Variants in AUTS2 observed in about 807,000 individuals in gnomAD.
The protein encoded by AUTS2 is autism susceptibility gene 2 protein.
AUTS2 carries 17 observed loss-of-function variants against 112.4 expected under a neutral mutation model. The observed-to-expected ratio is 0.15, with a 90% CI of 0.10 to 0.23. The LOEUF (loss-of-function observed/expected upper bound fraction) is 0.23, where lower values mean the gene tolerates loss of function less well. Ranked by LOEUF, AUTS2 falls within the 10% of genes least tolerant of loss-of-function variation. The pLI is 1.00. For synonymous variants in AUTS2, 751 were observed against 702.7 expected (o/e 1.07, Z -1.09); for missense variants, 1,510 against 1,701.6 (o/e 0.89, Z 1.98).
At chr7:70,537,830 G>A (rs1370595221) in intron 5 of AUTS2, among the ~76,000 whole-genome samples, 3 of 152,168 alleles carry the variant, frequency 2.0e-5, no homozygotes, top group African/African-American at 7.2e-5. Context: ...TAAGAAGGAC[G>A]TAAAAATTTC....
chr7:69,891,504 C>T (rs187374205), intron 1 of AUTS2, among the ~76,000 whole-genome samples: 18 of 152,192 alleles, frequency 1.2e-4, no homozygotes, highest in South Asian at 6.2e-4. Flanking sequence ...AGGAGTAGAA[C>T]GGTTGGATCA....
intron 4 of AUTS2, among the ~76,000 whole-genome samples, chr7:70,234,700 A>G (rs1166443592): frequency 6.6e-6 from 1 of 152,132 alleles, no homozygotes; most frequent in East Asian, 1.9e-4. Context: ...GGCTATTTGT[A>G]TTGGGCTATT....
At chr7:69,659,974 A>C (rs1434649499) in intron 1 of AUTS2, among the ~76,000 whole-genome samples, 1 of 152,118 alleles carries the variant, frequency 6.6e-6, no homozygotes, top group Non-Finnish European at 1.5e-5. Flanking sequence ...TTGCTACTTA[A>C]TAACAGACTT....
chr7:70,373,995 ATACTT>A (rs1273147572), intron 4 of AUTS2, among the ~76,000 whole-genome samples: 22 of 152,252 alleles, frequency 1.4e-4, no homozygotes, highest in Admixed American at 1.2e-3. Flanking sequence ...TGAATTAACT[ATACTT>A]TATATAACCT....
At chr7:70,730,942 G>A (rs996601825) in intron 6 of AUTS2, among the ~76,000 whole-genome samples, 3 of 152,132 alleles carry the variant, frequency 2.0e-5, no homozygotes, top group South Asian at 4.2e-4. Flanking sequence ...GTTTATAGTC[G>A]GTGTGAAGTA....
chr7:70,495,198 G>A (rs1191525005), intron 5 of AUTS2, among the ~76,000 whole-genome samples: 1 of 132,960 alleles, frequency 7.5e-6, no homozygotes, highest in Non-Finnish European at 1.6e-5. Flanking sequence ...TCTGTTCAGT[G>A]TTAAGCAAGC....
chr7:70,028,331 T>C (rs749928899), intron 2 of AUTS2, among the ~76,000 whole-genome samples: 6 of 152,320 alleles, frequency 3.9e-5, no homozygotes, highest in Non-Finnish European at 8.8e-5. Flanking sequence ...ATAATGCAGA[T>C]TTCTGAGTAG....
intron 5 of AUTS2, among the ~76,000 whole-genome samples, chr7:70,576,956 G>T (rs1209123072): frequency 1.3e-5 from 2 of 152,074 alleles, no homozygotes; most frequent in Non-Finnish European, 2.9e-5. Context: ...AGGATCTGGA[G>T]TAAGACAAAC....
chr7:70,004,001 T>A (rs372909172), intron 2 of AUTS2, among the ~76,000 whole-genome samples: 30 of 69,418 alleles, frequency 4.3e-4, no homozygotes, highest in African/African-American at 8.8e-4. Flanking sequence ...AATATATATA[T>A]TATATATGAA....
At chr7:69,658,426 T>C (rs887319247) in intron 1 of AUTS2, among the ~76,000 whole-genome samples, 1 of 152,248 alleles carries the variant, frequency 6.6e-6, no homozygotes, top group African/African-American at 2.4e-5. Flanking sequence ...TATTCATTTG[T>C]AACCTTAGGT....
intron 2 of AUTS2, among the ~76,000 whole-genome samples, chr7:70,047,994 G>A (rs1403326320): frequency 6.6e-6 from 1 of 152,124 alleles, no homozygotes; most frequent in Non-Finnish European, 1.5e-5. Flanking sequence ...TCTGCTGTAT[G>A]GGAGAGTGTC....
At chr7:70,224,212 A>G (rs7788024) in intron 4 of AUTS2, among the ~76,000 whole-genome samples, 46,856 of 151,814 alleles carry the variant, frequency 0.31, 7,450 homozygotes, top group Middle Eastern at 0.38. Context: ...CTACTCTGGA[A>G]GCTGAGGTGT....
At chr7:70,315,239 T>C (rs1347055920) in intron 4 of AUTS2, among the ~76,000 whole-genome samples, 1 of 152,206 alleles carries the variant, frequency 6.6e-6, no homozygotes, top group African/African-American at 2.4e-5. Flanking sequence ...TGTATCTTTG[T>C]CAGGCTCTCT....
intron 1 of AUTS2, among the ~76,000 whole-genome samples, chr7:69,873,418 CT>C (rs36005575): frequency 0.24 from 30,611 of 125,240 alleles, 3,387 homozygotes; most frequent in African/African-American, 0.39. Context: ...GGGGCTCAGG[CT>C]TTTTTTTTTT....
At chr7:70,026,990 C>T (rs1009744883) in intron 2 of AUTS2, among the ~76,000 whole-genome samples, 18 of 146,942 alleles carry the variant, frequency 1.2e-4, no homozygotes, top group Admixed American at 2.7e-4. Context: ...TTTTTTTTTA[C>T]GTTTAGTACA....
chr7:69,801,531 A>G (rs1790082240), intron 1 of AUTS2, among the ~76,000 whole-genome samples: 1 of 150,780 alleles, frequency 6.6e-6, no homozygotes, highest in African/African-American at 2.4e-5. Context: ...ATATAGGTAT[A>G]TATATGTGGT....
chr7:70,027,436 C>T (rs1187244570), intron 2 of AUTS2, among the ~76,000 whole-genome samples: 3 of 152,118 alleles, frequency 2.0e-5, no homozygotes, highest in Non-Finnish European at 2.9e-5. Flanking sequence ...TTGGGTTTGC[C>T]TCCATTACTA....
At chr7:70,004,730 C>A (rs924147480) in intron 2 of AUTS2, among the ~76,000 whole-genome samples, 4 of 151,934 alleles carry the variant, frequency 2.6e-5, no homozygotes, top group African/African-American at 9.6e-5. Context: ...AAAATTACTT[C>A]ATTTTCCCAC....
chr7:70,772,974 C>T (rs1374007713), intron 11 of AUTS2, among the ~76,000 whole-genome samples: 2 of 152,228 alleles, frequency 1.3e-5, no homozygotes, highest in African/African-American at 4.8e-5. Context: ...TATCCAATCA[C>T]ACAGAAAACT....
Sources: allele counts gnomAD v4.1 joint callset (sites outside exome capture counted in the v4.1 genomes callset), GRCh38; gene constraint gnomAD v4.1.1; transcripts MANE v1.5; gene names NCBI Gene and HGNC (gene_info 2026-07-23, HGNC 2026-07-21).